ARHGAP26: variants seen among roughly 807,000 people sequenced by gnomAD.
The protein encoded by ARHGAP26 is Rho GTPase activating protein 26, also known as rho GTPase-activating protein 26.
A neutral mutation model predicts 104.8 loss-of-function variants in ARHGAP26; 38 were observed. The observed-to-expected ratio is 0.36, with a 90% confidence interval of 0.28 to 0.48. The LOEUF is 0.48. Ranked by LOEUF, ARHGAP26 falls within the 20% of genes least tolerant of loss-of-function variation. The pLI is 0.99. For synonymous variants in ARHGAP26, 341 were observed against 340.0 expected (o/e 1.00, Z -0.03); for missense variants, 704 against 947.9 (o/e 0.74, Z 3.38).
intron 20 of ARHGAP26, among the ~76,000 whole-genome samples, chr5:143,180,535 A>G (rs557230223): frequency 3.3e-5 from 5 of 152,204 alleles, no homozygotes; most frequent in Non-Finnish European, 7.4e-5. Flanking sequence ...TGGGTGCTTT[A>G]TAAAGGAAAG....
intron 11 of ARHGAP26, among the ~76,000 whole-genome samples, chr5:142,976,083 C>T (rs1355557573): frequency 1.3e-5 from 2 of 152,162 alleles, no homozygotes; most frequent in African/African-American, 4.8e-5. Context: ...CTCACTCTAT[C>T]TGGATTTTGC....
intron 1 of ARHGAP26, among the ~76,000 whole-genome samples, chr5:142,825,000 A>G (rs1248732022): frequency 6.6e-6 from 1 of 152,186 alleles, no homozygotes; most frequent in African/African-American, 2.4e-5. Context: ...AACTCTTTTC[A>G]TTCATTATAA....
intron 1 of ARHGAP26, among the ~76,000 whole-genome samples, chr5:142,789,322 C>G (rs1266045437): frequency 6.6e-6 from 1 of 152,176 alleles, no homozygotes; most frequent in Non-Finnish European, 1.5e-5. Flanking sequence ...CTGGCTTGCT[C>G]AGTGGAGATA....
At chr5:142,845,823 C>A (rs1561940471) in intron 1 of ARHGAP26, among the ~76,000 whole-genome samples, 2 of 152,284 alleles carry the variant, frequency 1.3e-5, no homozygotes, top group East Asian at 3.9e-4. Flanking sequence ...AGCTCTGAGT[C>A]CCCACAGAGA....
chr5:143,151,554 A>G (rs1009733259), intron 20 of ARHGAP26, among the ~76,000 whole-genome samples: 1 of 152,182 alleles, frequency 6.6e-6, no homozygotes, highest in Non-Finnish European at 1.5e-5. Context: ...ATGGATAAAC[A>G]AACTATGGTG....
chr5:142,770,503 T>C lies in ARHGAP26; in HGVS notation c.-259T>C. 5.2e-6 allele frequency: 1 copy of C among 193,068 alleles called. No individual in the cohort carries two copies. The highest frequency in any genetic ancestry group is 8.2e-5 in the East Asian group (1 of 12,166). 12.0% of individuals were successfully genotyped at this position (193,068 alleles called of 1,614,324 possible). ...CCGCTCGCTCGCTTCCCGGCGCCGCTGCGGGTCCGCGCTGCGTTTCCTGCT... is the reference window on the plus strand; with the variant it reads ...CCGCTCGCTCGCTTCCCGGCGCCGCCGCGGGTCCGCGCTGCGTTTCCTGCT... On this transcript the variant is annotated 5_prime_UTR_variant, in exon 1 of 23. Transcript: ENST00000645722.
chr5:143,087,055 T>G, intron 17 of ARHGAP26, among the ~76,000 whole-genome samples: 1 of 152,258 alleles, frequency 6.6e-6, no homozygotes, highest in East Asian at 1.9e-4. Flanking sequence ...GCCAGGGTCC[T>G]TGGCATTGTG....
At chr5:142,860,495 T>G (rs1354798384) in intron 1 of ARHGAP26, 1 of 152,240 alleles carries the variant, frequency 6.6e-6, no homozygotes, top group African/African-American at 2.4e-5. Flanking sequence ...GAAGCCTGGT[T>G]TCCGGATTGG....
intron 11 of ARHGAP26, among the ~76,000 whole-genome samples, chr5:142,958,353 G>A (rs1277184471): frequency 1.3e-5 from 2 of 152,172 alleles, no homozygotes. Context: ...ATCATATGTT[G>A]AATATATTTA....
At position 143,082,076 on chromosome 5, in the gene ARHGAP26, C is replaced by A. The variant is rs547582272; in HGVS notation, c.1538+24329C>A. The stretch of plus-strand genomic sequence containing the variant: ...AGTAACTCTTTCTCTGGATCTGTTG[C>A]TGGGGACGTTTGAGAGTTTGGAATA... On this transcript the variant is annotated intron_variant, in intron 17 of 22. Transcript: ENST00000645722. Among the ~76,000 whole-genome samples, 7 of 149,222 alleles carry A rather than the reference C, an allele frequency of 4.7e-5. No individual in the cohort carries two copies. In the South Asian group the frequency reaches 1.5e-3, roughly 32 times the overall value.
Position 142,874,661 on chromosome 5 carries a change from G to C in ARHGAP26, c.251-449G>C, listed in dbSNP as rs1454652027. Reference sequence around the variant, plus strand: ...TCAGGAGGAACCCAAAGAGAAGCCAGAGATGTGGCTTCCAATGCCAGCAGC... The same window carrying C: ...TCAGGAGGAACCCAAAGAGAAGCCACAGATGTGGCTTCCAATGCCAGCAGC... On this transcript the variant is annotated intron_variant, in intron 2 of 22. Coordinates refer to ENST00000645722, the MANE Select transcript of ARHGAP26 (RefSeq NM_001135608.3). Among the ~76,000 whole-genome samples, 4 of 152,338 alleles carry C rather than the reference G, an allele frequency of 2.6e-5. No homozygotes were observed. In the East Asian group the frequency reaches 7.7e-4, roughly 29 times the overall value.
rs770715343 is a variant in ARHGAP26 at position 142,885,389 on chromosome 5, A to T, written c.476A>T (p.Gln159Leu). The change falls in exon 5 of 23, where the codon CAG becomes CTG. Residue 159 changes from glutamine to leucine, a missense_variant. Transcript: ENST00000645722. ...TTGTCTTCCAAAAAGAAAGAATCTC[A>T]GCTTCAGGAGGTAAGAGACTTTATT... ...LNLSSKKKES[Q>L]LQEADSQVDL... 1.2e-6 allele frequency: 2 copies of T among 1,612,762 alleles called. No homozygotes were observed. Among genetic ancestry groups the T allele is most frequent in the Non-Finnish European group, 1.7e-6 (2 of 1,179,056 alleles).
intron 18 of ARHGAP26, among the ~76,000 whole-genome samples, chr5:143,131,909 G>A (rs1301618723): frequency 1.3e-5 from 2 of 152,212 alleles, no homozygotes; most frequent in Admixed American, 1.3e-4. Context: ...AGAGGTTGCA[G>A]TCCTTGAGCT....
rs1449922262 is a variant in ARHGAP26, at chr5:142,913,195, C to A, written c.934-4C>A. The stretch of plus-strand genomic sequence containing the variant: ...CATCTTGATAGTCTGTGTGTTCCCA[C>A]TAGGGAGAAGATGAATCAGTTATCC... On this transcript the variant is annotated splice_polypyrimidine_tract_variant and splice_region_variant and intron_variant, in intron 9 of 22. Coordinates refer to ENST00000645722, the MANE Select transcript of ARHGAP26 (RefSeq NM_001135608.3). The A allele has an allele frequency of 6.8e-6, 11 of 1,613,450 alleles. No homozygotes were observed. The highest frequency in any genetic ancestry group is 8.5e-6 in the Non-Finnish European group (10 of 1,179,516).
chr5:143,203,917 A>G (rs1808166775), intron 20 of ARHGAP26, among the ~76,000 whole-genome samples: 1 of 147,936 alleles, frequency 6.8e-6, no homozygotes, highest in Non-Finnish European at 1.5e-5. Flanking sequence ...GGGGCCTGTC[A>G]GGGGGTAGGG....
At position 143,057,724 on chromosome 5, in the gene ARHGAP26, G is replaced by C. The variant is rs1786036058; in HGVS notation, c.1515G>C (p.Gln505His). 1 of 1,613,826 alleles carries C rather than the reference G, an allele frequency of 6.2e-7. No individual in the cohort carries two copies. The highest frequency in any genetic ancestry group is 8.5e-7 in the Non-Finnish European group (1 of 1,179,878). ...CAGAGAAAAATCGGCAGATGTTACA[G>C]CTGCTCATGAACCACTTGGCAAAGT... ...RLPEKNRQML[Q>H]LLMNHLANVA... The change falls in exon 17 of 23, where the codon CAG becomes CAC. Residue 505 changes from glutamine (Q) to histidine (H), a missense_variant. Physicochemically the swap from Gln to His is conservative, Grantham distance 24 (BLOSUM62 0). Around this residue, in one of 6 missense-constraint regions of ARHGAP26, gnomAD observed 287 missense variants for 438.8 expected, o/e 0.65. Transcript: ENST00000645722.
In ARHGAP26 at chr5:142,978,894, T is replaced by C. The variant is rs144554815; in HGVS notation, c.1108-35186T>C. Among the ~76,000 whole-genome samples the C allele has an allele frequency of 1.7e-3, 265 of 152,262 alleles. 1 individual carries two copies. In the South Asian group the frequency reaches 0.02, roughly 12 times the overall value. ...TCTTGACACTTTACCACATTTATTT[T>C]TGAAAAAGGAATTAAAGCATTGCTG... On this transcript the variant is annotated intron_variant, in intron 11 of 22. Transcript: ENST00000645722.
intron 17 of ARHGAP26, among the ~76,000 whole-genome samples, chr5:143,107,258 G>A (rs1794153393): frequency 6.6e-6 from 1 of 152,174 alleles, no homozygotes; most frequent in Admixed American, 6.5e-5. Context: ...TGAGGTTGGA[G>A]GGGTCAGTAG....
chr5:143,144,733 C>T (rs981558621), intron 19 of ARHGAP26, among the ~76,000 whole-genome samples: 7 of 152,194 alleles, frequency 4.6e-5, no homozygotes, highest in African/African-American at 1.7e-4. Context: ...TCCTAATTGA[C>T]TCCAAATGCT....
Sources: gnomAD v4.1 joint callset for allele counts (sites outside exome capture counted in the v4.1 genomes callset) on GRCh38, gnomAD v4.1.1 for gene constraint, gnomAD v4.1.1 regional missense constraint, MANE v1.5 for transcripts, NCBI Gene and HGNC (gene_info 2026-07-23, HGNC 2026-07-21) for gene names.